Variants in AKAP10 observed in about 807,000 individuals in gnomAD.
AKAP10 encodes the protein A-kinase anchoring protein 10.
Under a neutral mutation model 80.8 loss-of-function variants are expected in AKAP10, and 24 were observed. The observed-to-expected ratio is 0.30, with a 90% CI of 0.22 to 0.42. AKAP10 has a LOEUF of 0.42. Ranked by LOEUF, AKAP10 falls within the 10% of genes least tolerant of loss-of-function variation. The pLI, the probability that AKAP10 is intolerant of heterozygous loss-of-function variation, is 1.00. For synonymous variants in AKAP10, 291 were observed against 277.7 expected (o/e 1.05, Z -0.48); for missense variants, 661 against 794.9 (o/e 0.83, Z 2.03).
chr17:19,936,355 G>A lies in AKAP10; in HGVS notation c.1398C>T (p.Cys466=), dbSNP rs752190249. The A allele has an allele frequency of 1.5e-5, 24 of 1,613,542 alleles. No individual in the cohort carries two copies. The highest frequency in any genetic ancestry group is 2.0e-5 in the Non-Finnish European group (24 of 1,179,678). Residue 466 remains cysteine, a synonymous_variant, in exon 9 of 15, where the codon TGC becomes TGT. Transcript: ENST00000225737. ...VVRLEIESNI[C]REGGPLPNCF... The stretch of plus-strand genomic sequence containing the variant: ...AGTTGGGGAGTGGCCCACCTTCCCT[G>A]CAGATATTGGATTCAATTTCTAATC...
intron 2 of AKAP10, among the ~76,000 whole-genome samples, chr17:19,966,280 C>G (rs781197797): frequency 6.6e-6 from 1 of 152,208 alleles, no homozygotes; most frequent in African/African-American, 2.4e-5. Context: ...CATTTTGCCT[C>G]CGAATTTTTT....
intron 4 of AKAP10, among the ~76,000 whole-genome samples, chr17:19,955,221 C>CAA (rs375807748): frequency 7.8e-6 from 1 of 128,866 alleles, no homozygotes. Context: ...GACGCTGTCT[C>CAA]AAAAAAAAAA....
At chr17:19,976,151 G>C (rs959644602) in intron 1 of AKAP10, among the ~76,000 whole-genome samples, 1 of 152,186 alleles carries the variant, frequency 6.6e-6, no homozygotes, top group African/African-American at 2.4e-5. Context: ...CAGCAGAGCT[G>C]TCATATGAAA....
chr17:19,958,087 G>A lies in AKAP10; in HGVS notation c.804C>T (p.Ser268=). 6.2e-7 allele frequency: 1 copy of A among 1,614,192 alleles called. No homozygotes were observed. Among genetic ancestry groups the A allele is most frequent in the Non-Finnish European group, 8.5e-7 (1 of 1,180,022 alleles). The part of the protein sequence containing the change: ...HQVSMETQES[S]STLTVASRNS... ...TTCTACTGGCTACTGTAAGTGTAGA[G>A]GAAGATTCTTGGGTTTCCATGGAAA... is the stretch of plus-strand genomic sequence containing the variant. The change falls in exon 4 of 15, where the codon TCC becomes TCT. Residue 268 remains serine, a synonymous_variant. Transcript: ENST00000225737.
At chr17:19,975,849 T>A (rs1479244425) in intron 1 of AKAP10, among the ~76,000 whole-genome samples, 1 of 152,138 alleles carries the variant, frequency 6.6e-6, no homozygotes, top group Non-Finnish European at 1.5e-5. Context: ...ATTCTTAGAA[T>A]GTTTTCCCCC....
chr17:19,966,428 C>T (rs1347739752), intron 2 of AKAP10, among the ~76,000 whole-genome samples: 2 of 152,114 alleles, frequency 1.3e-5, no homozygotes, highest in Non-Finnish European at 2.9e-5. Flanking sequence ...TTTTTGTTCA[C>T]CGTTATAGTC....
intron 4 of AKAP10, among the ~76,000 whole-genome samples, chr17:19,950,914 C>T (rs2043196710): frequency 6.7e-6 from 1 of 149,674 alleles, no homozygotes; most frequent in Admixed American, 6.6e-5. Flanking sequence ...ACCACCTCTG[C>T]CCCGCCGCCC....
chr17:19,969,079 C>T (rs2043461141), intron 1 of AKAP10, among the ~76,000 whole-genome samples: 1 of 152,198 alleles, frequency 6.6e-6, no homozygotes, highest in Admixed American at 6.5e-5. Context: ...CACGGTGGCT[C>T]ACGCCTGTAA....
intron 1 of AKAP10, among the ~76,000 whole-genome samples, chr17:19,969,625 C>T (rs2043468972): frequency 6.6e-6 from 1 of 151,614 alleles, no homozygotes; most frequent in Non-Finnish European, 1.5e-5. Context: ...TGTATTTGTG[C>T]TCTTAAACAT....
chr17:19,946,594 G>T (rs2043134954), intron 5 of AKAP10, among the ~76,000 whole-genome samples: 2 of 148,516 alleles, frequency 1.3e-5, no homozygotes, highest in Admixed American at 6.7e-5. Flanking sequence ...ACTATTTATT[G>T]ATCTTGCTGT....
intron 4 of AKAP10, 41 bp from the exon 5 acceptor site, chr17:19,947,546 T>C (rs183235428): frequency 3.3e-5 from 44 of 1,325,836 alleles, no homozygotes; most frequent in Admixed American, 2.4e-4. Flanking sequence ...AAAAAGCAAC[T>C]TGGACTCCAG....
At chr17:19,938,451 G>T (rs542533064) in intron 8 of AKAP10, among the ~76,000 whole-genome samples, 501 of 151,858 alleles carry the variant, frequency 3.3e-3, no homozygotes, top group African/African-American at 0.012. Context: ...TGGCCAGGCT[G>T]GTCTTGAACG....
At chr17:19,968,355 C>A in intron 2 of AKAP10, 59 bp downstream of exon 2, 1 of 1,362,546 alleles carries the variant, frequency 7.3e-7, no homozygotes, top group Non-Finnish European at 1.0e-6. Context: ...GATTAAAGAA[C>A]TCACAAATGC....
At position 19,936,381 on chromosome 17, in the gene AKAP10, G is replaced by A. The variant is rs759958762; in HGVS notation, c.1372C>T (p.Arg458Ter). The change falls in exon 9 of 15, where the codon CGA becomes TGA. Residue 458 changes from arginine to a stop codon, truncating the protein, a stop_gained. Coordinates refer to ENST00000225737, the MANE Select transcript of AKAP10 (RefSeq NM_007202.4). LOFTEE classifies it high-confidence loss of function. ...CAGATATTGGATTCAATTTCTAATC[G>A]TACAACATCATCAAATCCAAGAGGA... ...THPLGFDDVV[R>*]LEIESNICRE... 6 of 1,613,300 alleles carry A rather than the reference G, an allele frequency of 3.7e-6. No homozygotes were observed. The highest frequency in any genetic ancestry group is 4.2e-6 in the Non-Finnish European group (5 of 1,179,520).
intron 5 of AKAP10, among the ~76,000 whole-genome samples, chr17:19,944,295 T>G (rs2043080128): frequency 6.6e-6 from 1 of 152,180 alleles, no homozygotes; most frequent in African/African-American, 2.4e-5. Flanking sequence ...CAACTTCTCC[T>G]TCACTACTGC....
chr17:19,933,522 A>G (rs1391556718), intron 9 of AKAP10, among the ~76,000 whole-genome samples: 1 of 152,190 alleles, frequency 6.6e-6, no homozygotes, highest in Non-Finnish European at 1.5e-5. Context: ...ACATCTAGTA[A>G]GAACTATTTT....
chr17:19,924,674 A>C (rs1283820990), intron 10 of AKAP10, among the ~76,000 whole-genome samples, 157 bp from the exon 11 acceptor site: 4 of 152,196 alleles, frequency 2.6e-5, no homozygotes, highest in Non-Finnish European at 5.9e-5. Flanking sequence ...TGACTCTGAA[A>C]TGTAACCTCA....
intron 2 of AKAP10, among the ~76,000 whole-genome samples, chr17:19,964,779 G>C (rs1171000678): frequency 6.6e-6 from 1 of 152,206 alleles, no homozygotes; most frequent in Non-Finnish European, 1.5e-5. Flanking sequence ...TGTAATCCCA[G>C]CTACTTGGGA....
intron 1 of AKAP10, among the ~76,000 whole-genome samples, chr17:19,968,893 G>A (rs892117463): frequency 2.0e-5 from 3 of 152,134 alleles, no homozygotes; most frequent in African/African-American, 7.2e-5. Context: ...GTAAATTGAG[G>A]ACAAATGCTA....
Sources: gnomAD v4.1 joint callset for allele counts (sites outside exome capture counted in the v4.1 genomes callset) on GRCh38, gnomAD v4.1.1 for gene constraint, MANE v1.5 for transcripts, NCBI Gene and HGNC (gene_info 2026-07-23, HGNC 2026-07-21) for gene names.